The following PDE8B variants were observed in gnomAD, a reference collection of about 807,000 sequenced individuals.
PDE8B encodes the protein high affinity cAMP-specific and IBMX-insensitive 3',5'-cyclic phosphodiesterase 8B.
PDE8B carries 26 observed loss-of-function variants against 101.3 expected under a neutral mutation model. The observed-to-expected ratio is 0.26, with a 90% CI of 0.19 to 0.36. The LOEUF (loss-of-function observed/expected upper bound fraction) is 0.36, where lower values mean the gene tolerates loss of function less well. Ranked by LOEUF, PDE8B falls within the 10% of genes least tolerant of loss-of-function variation. The pLI is 1.00. For synonymous variants in PDE8B, 424 were observed against 429.3 expected (o/e 0.99, Z 0.15); for missense variants, 810 against 1,163.1 (o/e 0.70, Z 4.42).
intron 11 of PDE8B, 108 bp downstream of exon 11, chr5:77,400,398 G>T: frequency 1.3e-6 from 1 of 796,646 alleles, no homozygotes. Flanking sequence ...CCCAGAATGT[G>T]GAGTGCTAAA....
chr5:77,204,410 C>CAA, the PDE8B span, among the ~76,000 whole-genome samples: 13 of 106,174 alleles, frequency 1.2e-4, no homozygotes, highest in African/African-American at 2.9e-4. Flanking sequence ...GACTCTGTCT[C>CAA]AAAAAAAAAA....
chr5:77,370,928 T>C (rs1396966689), intron 10 of PDE8B, among the ~76,000 whole-genome samples: 2 of 152,206 alleles, frequency 1.3e-5, no homozygotes, highest in African/African-American at 4.8e-5. Flanking sequence ...CTATTGGTCT[T>C]TTTTAAATGT....
At chr5:77,377,882 A>G (rs1257490573) in intron 10 of PDE8B, among the ~76,000 whole-genome samples, 19 of 152,132 alleles carry the variant, frequency 1.2e-4, no homozygotes, top group Non-Finnish European at 2.8e-4. Context: ...TTCGGGACTT[A>G]TGCTACTGCC....
intron 10 of PDE8B, among the ~76,000 whole-genome samples, chr5:77,375,889 C>CTTT (rs70988668): frequency 0.16 from 17,755 of 107,714 alleles, 1,783 homozygotes; most frequent in East Asian, 0.28. Flanking sequence ...GCCTTGATTT[C>CTTT]TTTTTTTTTT....
At chr5:77,157,204 C>G in the PDE8B span, among the ~76,000 whole-genome samples, 1 of 152,174 alleles carries the variant, frequency 6.6e-6, no homozygotes, top group Non-Finnish European at 1.5e-5. Flanking sequence ...TAAATTCACT[C>G]TATTTAAATA....
the PDE8B span, among the ~76,000 whole-genome samples, chr5:77,169,943 C>T: frequency 1.3e-5 from 2 of 152,288 alleles, no homozygotes; most frequent in East Asian, 3.9e-4. Flanking sequence ...TGACTTGAAA[C>T]ACGGCTCTAT....
intron 10 of PDE8B, among the ~76,000 whole-genome samples, chr5:77,391,299 G>A (rs60313920): frequency 0.08 from 12,222 of 152,168 alleles, 802 homozygotes; most frequent in African/African-American, 0.17. Flanking sequence ...GGTGTGACAG[G>A]GGAAGGTCTG....
chr5:77,192,189 G>A, the PDE8B span, among the ~76,000 whole-genome samples: 1 of 152,150 alleles, frequency 6.6e-6, no homozygotes, highest in Non-Finnish European at 1.5e-5. Context: ...CCCAGGGGTT[G>A]GGGACTCCTA....
the PDE8B span, among the ~76,000 whole-genome samples, chr5:77,172,192 G>A: frequency 2.0e-5 from 3 of 152,148 alleles, no homozygotes; most frequent in Non-Finnish European, 2.9e-5. Flanking sequence ...CAACTAGATT[G>A]CAAGCTTGGC....
At chr5:77,116,080 T>A in the PDE8B span, among the ~76,000 whole-genome samples, 6 of 151,908 alleles carry the variant, frequency 3.9e-5, no homozygotes, top group Admixed American at 3.9e-4. Context: ...GATACAGCAA[T>A]GACGAACTTG....
chr5:77,128,481 C>T, the PDE8B span, among the ~76,000 whole-genome samples: 1 of 152,178 alleles, frequency 6.6e-6, no homozygotes, highest in African/African-American at 2.4e-5. Context: ...GTTGTGCATG[C>T]ATGACTGCCA....
At chr5:77,139,271 G>C in the PDE8B span, 1 of 152,258 alleles carries the variant, frequency 6.6e-6, no homozygotes, top group Admixed American at 6.5e-5. Context: ...GCCAGCAGGA[G>C]CCAGGCCGTG....
intron 10 of PDE8B, among the ~76,000 whole-genome samples, chr5:77,388,105 G>A (rs1342105979): frequency 1.3e-5 from 2 of 152,102 alleles, no homozygotes; most frequent in Non-Finnish European, 2.9e-5. Context: ...TCTCTGTCCA[G>A]TTTTGTTCCC....
chr5:77,330,499 G>T (rs1306414270), intron 4 of PDE8B, among the ~76,000 whole-genome samples: 2 of 152,078 alleles, frequency 1.3e-5, no homozygotes, highest in Non-Finnish European at 2.9e-5. Context: ...AACCCTTTTT[G>T]TGGCCTTCCT....
chr5:77,415,734 GCCCCTTCAGTTGGTGACAGA>G (rs1795402913), intron 17 of PDE8B, among the ~76,000 whole-genome samples: 1 of 152,164 alleles, frequency 6.6e-6, no homozygotes, highest in Non-Finnish European at 1.5e-5. Context: ...AGAGCTAACA[GCCCCTTCAGTTGGTGACAGA>G]CCCCATCCTC....
chr5:77,104,141 G>A, the PDE8B span, among the ~76,000 whole-genome samples: 11 of 152,244 alleles, frequency 7.2e-5, no homozygotes, highest in African/African-American at 2.6e-4. Flanking sequence ...GGAGCATAGA[G>A]CAGGCCCCTT....
chr5:77,291,769 A>C, intron 1 of PDE8B: 1 of 1,581,360 alleles, frequency 6.3e-7, no homozygotes, highest in Admixed American at 1.7e-5. Flanking sequence ...TACAGTAAAG[A>C]CTTTCCTCTG....
chr5:77,118,237 A>C, the PDE8B span: 3 of 394,948 alleles, frequency 7.6e-6, no homozygotes, highest in Middle Eastern at 6.3e-4. Context: ...GTGAGCCACC[A>C]CGCCTAGCCT....
intron 16 of PDE8B, among the ~76,000 whole-genome samples, chr5:77,412,550 T>C (rs1276240083): frequency 7.6e-6 from 1 of 131,310 alleles, no homozygotes; most frequent in Non-Finnish European, 1.7e-5. Flanking sequence ...GAGAGCACTA[T>C]AGATTTTTTT....
Sources: gnomAD v4.1 joint callset for allele counts (sites outside exome capture counted in the v4.1 genomes callset) on GRCh38, gnomAD v4.1.1 for gene constraint, MANE v1.5 for transcripts, NCBI Gene and HGNC (gene_info 2026-07-23, HGNC 2026-07-21) for gene names.